PKD1L3: variants seen among roughly 807,000 people sequenced by gnomAD.
PKD1L3 encodes the protein polycystin-1-like protein 3.
In PKD1L3, 239 loss-of-function variants were observed where a neutral mutation model predicts 184.1. That is an observed-to-expected ratio of 1.30 (90% CI 1.17 to 1.45). PKD1L3 has a LOEUF of 1.45. PKD1L3 is among the 40% of genes most tolerant of loss of function. The probability of loss-of-function intolerance (pLI) is 0.00; values close to 1 mark genes in which losing one functional copy is unlikely to be tolerated. For missense variants in PKD1L3, 2,660 were observed against 2,067.2 expected (o/e 1.29, Z -5.56); for synonymous variants, 996 against 778.8 (o/e 1.28, Z -4.64).
intron 16 of PKD1L3, 86 bp downstream of exon 16, chr16:71,963,119 T>C: frequency 1.5e-6 from 2 of 1,315,630 alleles, no homozygotes; most frequent in Non-Finnish European, 2.0e-6. Flanking sequence ...AAAATGTTAA[T>C]TTGCATTAAA....
chr16:71,987,742 G>A (rs974199971), intron 4 of PKD1L3, among the ~76,000 whole-genome samples: 1 of 151,996 alleles, frequency 6.6e-6, no homozygotes, highest in African/African-American at 2.4e-5. Flanking sequence ...TAGCTTAAGC[G>A]ATCCTCCTGC....
chr16:71,980,782 C>T lies in PKD1L3; in HGVS notation c.1144-648G>A, dbSNP rs888100302. ...CCCGGGAGGTGGAGGTTGCAGAGCA[C>T]CCAGATCACACTACTGCACTCCAGC... On this transcript the variant is annotated intron_variant, in intron 7 of 29. Coordinates refer to ENST00000620267, the MANE Select transcript of PKD1L3 (RefSeq NM_181536.2). Among the ~76,000 whole-genome samples the T allele has an allele frequency of 6.6e-5, 10 of 152,136 alleles. 1 individual carries two copies. Among genetic ancestry groups the T allele is most frequent in the Admixed American group, 5.9e-4 (9 of 15,272 alleles).
chr16:71,999,601 G>GA (rs2040900390), intron 1 of PKD1L3, 83 bp downstream of exon 1: 1 of 1,296,138 alleles, frequency 7.7e-7, no homozygotes, highest in Non-Finnish European at 1.0e-6. Context: ...AAAGCAGAAA[G>GA]ATTAAGATTT....
chr16:71,931,077 T>C (rs1455067354), intron 28 of PKD1L3: 2 of 113,654 alleles, frequency 1.8e-5, no homozygotes, highest in Non-Finnish European at 3.9e-5. Flanking sequence ...TTACTGTTTA[T>C]TTTTTGTTTG....
At position 71,980,128 on chromosome 16, in the gene PKD1L3, C is replaced by G. The variant is rs542358149; in HGVS notation, c.1150G>C (p.Asp384His). The G allele has an allele frequency of 3.9e-6, 6 of 1,551,460 alleles. No individual in the cohort carries two copies. The Admixed American group carries it at 1.2e-4, about 30-fold the overall frequency. ...TCCACCAAGGACATTTCCAGGATGT[C>G]TTCTACCTGCATGGAAAGGAAAACA... is the stretch of plus-strand genomic sequence containing the variant. ...ESKRHTEPVE[D>H]ILEMSLVEFG... The change falls in exon 8 of 30, where the codon GAC (aspartate) becomes CAC (histidine). Residue 384 changes from aspartate (D) to histidine (H), a missense_variant. Physicochemically the swap from Asp to His is moderately conservative, Grantham distance 81. Transcript: ENST00000620267.
intron 2 of PKD1L3, among the ~76,000 whole-genome samples, chr16:71,997,467 G>C (rs192751839): frequency 4.2e-4 from 63 of 151,384 alleles, no homozygotes; most frequent in Non-Finnish European, 7.8e-4. Flanking sequence ...AAAATAAATA[G>C]GCTGGGCGCA....
intron 16 of PKD1L3, among the ~76,000 whole-genome samples, chr16:71,960,227 TAAAGG>T (rs67071620): frequency 0.47 from 70,471 of 150,192 alleles, 17,089 homozygotes; most frequent in South Asian, 0.58. Flanking sequence ...GGAAAGTAGA[TAAAGG>T]AAAGAGAATG....
intron 16 of PKD1L3, among the ~76,000 whole-genome samples, chr16:71,962,633 T>A (rs1181784540): frequency 6.6e-6 from 1 of 152,012 alleles, no homozygotes; most frequent in Non-Finnish European, 1.5e-5. Context: ...ATCACAGGTG[T>A]GCACCACCAC....
intron 23 of PKD1L3, among the ~76,000 whole-genome samples, chr16:71,943,426 T>C (rs1238426075): frequency 6.9e-6 from 1 of 144,502 alleles, no homozygotes; most frequent in Non-Finnish European, 1.5e-5. Flanking sequence ...TAATCCCAGC[T>C]AACCAGGAGG....
rs761036114 is a variant in PKD1L3 at position 71,973,559 on chromosome 16, C to A, written c.1760-42G>T. On this transcript the variant is annotated intron_variant, in intron 11 of 29. Transcript: ENST00000620267. The stretch of plus-strand genomic sequence containing the variant: ...GTGCTTACTTGTATATCAAATGGAA[C>A]AAAAACACCAATGAACCTCTCTTCT... The A allele has an allele frequency of 2.0e-6, 3 of 1,480,802 alleles. 1 individual carries two copies. The highest frequency in any genetic ancestry group is 2.5e-5 in the South Asian group (2 of 80,662). The allele number at this position is 1,480,802 out of a possible 1,614,324, so 91.7% of individuals were successfully genotyped here. A position where few individuals can be genotyped will look rare whatever the true frequency, so the allele number is the denominator to read the frequency against.
chr16:71,956,245 G>A (rs1249704253), intron 16 of PKD1L3, among the ~76,000 whole-genome samples: 2 of 133,484 alleles, frequency 1.5e-5, no homozygotes, highest in Non-Finnish European at 3.1e-5. Context: ...CTAGGATGGA[G>A]TGCAATGGCC....
At chr16:71,978,481 G>C in intron 9 of PKD1L3, 98 bp from the exon 10 acceptor site, 1 of 102,992 alleles carries the variant, frequency 9.7e-6, no homozygotes, top group Non-Finnish European at 1.6e-5. Flanking sequence ...ATATATGTGT[G>C]TGTGTGTGTG....
chr16:71,930,314 A>G (rs929054149), intron 28 of PKD1L3, 131 bp from the exon 29 acceptor site: 3 of 887,660 alleles, frequency 3.4e-6, no homozygotes, highest in Non-Finnish European at 4.8e-6. Context: ...GGAGAGAGTC[A>G]AAAGATAATA....
At chr16:71,942,432 C>T in intron 24 of PKD1L3, 128 bp downstream of exon 24, 1 of 734,236 alleles carries the variant, frequency 1.4e-6, no homozygotes, top group Non-Finnish European at 2.2e-6. Context: ...ATGTAAGTCT[C>T]CAACAAATTT....
chr16:71,932,581 C>A (rs899149565), intron 28 of PKD1L3, among the ~76,000 whole-genome samples: 5 of 152,002 alleles, frequency 3.3e-5, no homozygotes, highest in African/African-American at 9.7e-5. Context: ...TAAGGCAATT[C>A]TCCTGCATCA....
chr16:71,933,502 C>A lies in PKD1L3; in HGVS notation c.4844G>T (p.Cys1615Phe), dbSNP rs555443847. 6.4e-7 allele frequency: 1 copy of A among 1,551,376 alleles called. No homozygotes were observed. Among genetic ancestry groups the A allele is most frequent in the African/African-American group, 1.4e-5 (1 of 73,128 alleles). Reference sequence around the variant, plus strand: ...AAATGTCCGGTAGTCAGAGATGCTGCATCCAAACAGCAGGTTAAACTGAAC... The same window carrying A: ...AAATGTCCGGTAGTCAGAGATGCTGAATCCAAACAGCAGGTTAAACTGAAC... Reference protein sequence around the residue: ...YAIAFNLLFGCSISDYRTFFS... With the variant: ...YAIAFNLLFGFSISDYRTFFS... Residue 1615 changes from cysteine to phenylalanine, a missense_variant, in exon 28 of 30, where the codon TGC becomes TTC. Coordinates refer to ENST00000620267, the MANE Select transcript of PKD1L3 (RefSeq NM_181536.2).
In PKD1L3 at chr16:71,978,300, A is replaced by G. The variant is rs1011508589; in HGVS notation, c.1482T>C (p.Ala494=). Reference sequence around the variant, plus strand: ...CATGGACTTGGAGCAATTTACGATTAGCGCTTAGTAACACACTTCCAATGC... The same window carrying G: ...CATGGACTTGGAGCAATTTACGATTGGCGCTTAGTAACACACTTCCAATGC... ...VGSIGSVLLS[A]NRKLLQVHDL... Residue 494 remains alanine, a synonymous_variant, in exon 10 of 30, where the codon GCT becomes GCC. Coordinates refer to ENST00000620267, the MANE Select transcript of PKD1L3 (RefSeq NM_181536.2). 1.3e-6 allele frequency: 2 copies of G among 1,550,452 alleles called. No homozygotes were observed. The highest frequency in any genetic ancestry group is 1.7e-6 in the Non-Finnish European group (2 of 1,146,222).
At position 71,933,560 on chromosome 16, in the gene PKD1L3, C is replaced by T. The variant is rs1321350550; in HGVS notation, c.4825-39G>A. On this transcript the variant is annotated intron_variant, in intron 27 of 29. Transcript: ENST00000620267. Reference sequence around the variant, plus strand: ...GAAAGGCCAGTTAGTGCAAGCCGAGCGCACATCTTTCTATCCTGAGGTGCT... The same window carrying T: ...GAAAGGCCAGTTAGTGCAAGCCGAGTGCACATCTTTCTATCCTGAGGTGCT... The T allele has an allele frequency of 4.3e-5, 61 of 1,408,288 alleles. No individual in the cohort carries two copies. The Admixed American group carries it at 4.9e-4, about 11-fold the overall frequency. 87.2% of individuals were successfully genotyped at this position (1,408,288 alleles called of 1,614,324 possible).
chr16:71,967,934 T>C lies in PKD1L3; in HGVS notation c.2258A>G (p.Tyr753Cys), dbSNP rs931194884. Residue 753 changes from tyrosine (Y) to cysteine (C), a missense_variant, in exon 14 of 30, where the codon TAT (tyrosine) becomes TGT (cysteine). Physicochemically the swap from Tyr to Cys is radical, Grantham distance 194. Transcript: ENST00000620267. ...AGCTGTTGTAGCAGCGCTTCTTCGA[T>C]ATCCGGTGTAGACCTGAATAAGGTA... ...FHYLIQVYTGYRRSAATTAKV... is the reference protein window; with the variant it reads ...FHYLIQVYTGCRRSAATTAKV... 4.6e-5 allele frequency: 72 copies of C among 1,551,454 alleles called. No homozygotes were observed. The highest frequency in any genetic ancestry group is 6.8e-5 in the African/African-American group (5 of 73,044).
Sources: allele counts gnomAD v4.1 joint callset (sites outside exome capture counted in the v4.1 genomes callset), GRCh38; gene constraint gnomAD v4.1.1; transcripts MANE v1.5; gene names NCBI Gene and HGNC (gene_info 2026-07-23, HGNC 2026-07-21).